Variants in PSKH1 observed in about 807,000 individuals in gnomAD.
PSKH1 encodes the protein protein serine kinase H1.
Under a neutral mutation model 26.7 loss-of-function variants are expected in PSKH1, and 12 were observed. The observed-to-expected ratio is 0.45, with a 90% confidence interval of 0.29 to 0.73. PSKH1 has a LOEUF of 0.73. Among genes scored for constraint, PSKH1 ranks in the 30% least tolerant of loss-of-function variants. PSKH1 has a pLI of 0.11. For synonymous variants in PSKH1, 213 were observed against 234.3 expected, an observed-to-expected ratio of 0.91 and a Z score of 0.83; for missense variants, 431 against 595.2, an observed-to-expected ratio of 0.72 and a Z score of 2.87.
At chr16:67,896,794 G>T (rs2058127802) in intron 1 of PSKH1, among the ~76,000 whole-genome samples, 1 of 152,094 alleles carries the variant, frequency 6.6e-6, no homozygotes, top group African/African-American at 2.4e-5. Flanking sequence ...TTGTAGTTTT[G>T]TGCTTGTTAA....
intron 1 of PSKH1, among the ~76,000 whole-genome samples, chr16:67,904,848 A>G (rs2058151881): frequency 2.2e-5 from 3 of 133,948 alleles, no homozygotes; most frequent in Non-Finnish European, 4.7e-5. Flanking sequence ...TTTTTTTGAG[A>G]CAAAGTCTCG....
intron 1 of PSKH1, among the ~76,000 whole-genome samples, chr16:67,906,617 G>A (rs1303561965): frequency 2.0e-5 from 3 of 151,970 alleles, no homozygotes; most frequent in Admixed American, 6.6e-5. Context: ...CGCCCACCTC[G>A]GCCTCCCAAA....
At chr16:67,904,500 C>T (rs150221824) in intron 1 of PSKH1, among the ~76,000 whole-genome samples, 5,449 of 151,792 alleles carry the variant, frequency 0.036, 117 homozygotes, top group Middle Eastern at 0.16. Context: ...CACCGCGCCC[C>T]GCCTAATTTT....
At chr16:67,897,994 C>T (rs1185715871) in intron 1 of PSKH1, among the ~76,000 whole-genome samples, 1 of 152,150 alleles carries the variant, frequency 6.6e-6, no homozygotes, top group Non-Finnish European at 1.5e-5. Flanking sequence ...ACTACAGGTG[C>T]ACGCTACCAC....
chr16:67,902,259 CAA>C (rs1033235931), intron 1 of PSKH1, among the ~76,000 whole-genome samples: 11 of 126,764 alleles, frequency 8.7e-5, no homozygotes, highest in East Asian at 2.2e-4. Flanking sequence ...GACTCCATCT[CAA>C]AAAAAAAAAA....
chr16:67,914,805 T>C (rs1233245243), intron 2 of PSKH1, among the ~76,000 whole-genome samples: 1 of 152,168 alleles, frequency 6.6e-6, no homozygotes, highest in African/African-American at 2.4e-5. Context: ...GAGAAGCTGA[T>C]TGTGTTCTGG....
chr16:67,900,870 C>T (rs2058139853), intron 1 of PSKH1, among the ~76,000 whole-genome samples: 1 of 152,098 alleles, frequency 6.6e-6, no homozygotes, highest in Non-Finnish European at 1.5e-5. Flanking sequence ...CCTTACTCAT[C>T]CTTGCCCATC....
chr16:67,916,929 C>G (rs2058189486), intron 2 of PSKH1, among the ~76,000 whole-genome samples: 1 of 152,162 alleles, frequency 6.6e-6, no homozygotes, highest in Admixed American at 6.5e-5. Flanking sequence ...GATCCCCCAG[C>G]CTGAAGCCCA....
At chr16:67,905,823 C>A (rs913048545) in intron 1 of PSKH1, among the ~76,000 whole-genome samples, 6 of 152,108 alleles carry the variant, frequency 3.9e-5, no homozygotes, top group Non-Finnish European at 8.8e-5. Context: ...CGTGCCAGTG[C>A]ACTCCAGCCT....
chr16:67,910,056 C>T (rs1006739750), intron 2 of PSKH1: 4 of 464,376 alleles, frequency 8.6e-6, no homozygotes, highest in African/African-American at 1.9e-5. Context: ...TGGAATGTGC[C>T]TCATAGTTGT....
chr16:67,909,808 G>T lies in PSKH1; in HGVS notation c.957+102G>T. The stretch of plus-strand genomic sequence containing the variant: ...GAGGTATGTCCTCAGGGCCATGCTC[G>T]TGAGGGCCAGGCAGGTCATATAAAA... On this transcript the variant is annotated intron_variant, in intron 2 of 2. Coordinates refer to ENST00000291041, the MANE Select transcript of PSKH1 (RefSeq NM_006742.3). The surrounding 1 kb of genome is among the most constrained non-coding windows in gnomAD (Gnocchi z 7.8). The T allele has an allele frequency of 9.2e-7, 1 of 1,084,136 alleles. No individual in the cohort carries two copies. The allele number at this position is 1,084,136 out of a possible 1,614,324, so 67.2% of individuals were successfully genotyped here.
chr16:67,901,316 G>A (rs1342946651), intron 1 of PSKH1, among the ~76,000 whole-genome samples: 5 of 152,066 alleles, frequency 3.3e-5, no homozygotes, highest in Non-Finnish European at 5.9e-5. Flanking sequence ...TCTTATTGCC[G>A]ACTGACTTTA....
At chr16:67,898,062 G>A (rs1301229952) in intron 1 of PSKH1, among the ~76,000 whole-genome samples, 3 of 152,076 alleles carry the variant, frequency 2.0e-5, no homozygotes, top group African/African-American at 7.2e-5. Flanking sequence ...GTGTTGGCCA[G>A]GCTGGTCTTG....
Position 67,928,899 on chromosome 16 carries a change from G to A in PSKH1, c.*1257G>A, listed in dbSNP as rs1205537641. 1.3e-5 allele frequency: 2 copies of A among 152,702 alleles called. No individual in the cohort carries two copies. The highest frequency in any genetic ancestry group is 2.9e-5 in the Non-Finnish European group (2 of 68,144). 9.5% of individuals were successfully genotyped at this position (152,702 alleles called of 1,614,324 possible). A position where few individuals can be genotyped will look rare whatever the true frequency, so the allele number is the denominator to read the frequency against. ...CTGTGTGACCTGCCTCTGAAACCAGGGTGCCAGGGGCACTGCCTTCTCACA... is the reference window on the plus strand; with the variant it reads ...CTGTGTGACCTGCCTCTGAAACCAGAGTGCCAGGGGCACTGCCTTCTCACA... On this transcript the variant is annotated 3_prime_UTR_variant, in exon 3 of 3. Coordinates refer to ENST00000291041, the MANE Select transcript of PSKH1 (RefSeq NM_006742.3). The surrounding 1 kb of genome is among the most constrained non-coding windows in gnomAD (Gnocchi z 4.8).
chr16:67,910,066 T>G, intron 2 of PSKH1: 1 of 453,306 alleles, frequency 2.2e-6, no homozygotes, highest in East Asian at 3.2e-5. Flanking sequence ...CTCATAGTTG[T>G]ACCACCAAAG....
At chr16:67,922,357 C>T (rs538230323) in intron 2 of PSKH1, among the ~76,000 whole-genome samples, 2 of 152,272 alleles carry the variant, frequency 1.3e-5, no homozygotes, top group African/African-American at 2.4e-5. Flanking sequence ...AGAAAGGAGG[C>T]CTTTGAAGGT....
chr16:67,927,383 A>G lies in PSKH1; in HGVS notation c.1016A>G (p.Asp339Gly). ...TTCATTGACCGCCTGCTGACAGTGG[A>G]CCCTGGAGCCCGTATGACTGCACTG... is the stretch of plus-strand genomic sequence containing the variant. ...KDFIDRLLTV[D>G]PGARMTALQA... The change falls in exon 3 of 3, where the codon GAC becomes GGC. Residue 339 changes from aspartate to glycine, a missense_variant. Physicochemically the swap from Asp to Gly is moderately conservative, Grantham distance 94. Coordinates refer to ENST00000291041, the MANE Select transcript of PSKH1 (RefSeq NM_006742.3). The surrounding 1 kb of genome is among the most constrained non-coding windows in gnomAD (Gnocchi z 5.5). 6.2e-7 allele frequency: 1 copy of G among 1,614,008 alleles called. No homozygotes were observed. Among genetic ancestry groups the G allele is most frequent in the Non-Finnish European group, 8.5e-7 (1 of 1,179,918 alleles).
Position 67,927,894 on chromosome 16 carries a change from C to A in PSKH1, c.*252C>A, listed in dbSNP as rs1257720891. On this transcript the variant is annotated 3_prime_UTR_variant, in exon 3 of 3. Transcript: ENST00000291041. The surrounding 1 kb of genome is among the most constrained non-coding windows in gnomAD (Gnocchi z 5.5). ...CTGGGAGCCTGGCCTGGCACTGATA[C>A]CCCTCTTGGTGGGCAGCTGCTCTGG... The A allele has an allele frequency of 9.2e-6, 5 of 543,326 alleles. No homozygotes were observed. The highest frequency in any genetic ancestry group is 1.6e-5 in the Non-Finnish European group (5 of 306,872). 33.7% of individuals were successfully genotyped at this position (543,326 alleles called of 1,614,324 possible).
At chr16:67,916,261 C>T (rs1791196479) in intron 2 of PSKH1, among the ~76,000 whole-genome samples, 1 of 152,176 alleles carries the variant, frequency 6.6e-6, no homozygotes, top group Non-Finnish European at 1.5e-5. Flanking sequence ...GCATTCTTCA[C>T]CAGCGAGTGT....
Sources: allele counts gnomAD v4.1 joint callset (sites outside exome capture counted in the v4.1 genomes callset), GRCh38; gene constraint gnomAD v4.1.1; non-coding constraint Gnocchi (gnomAD v3.1); transcripts MANE v1.5; gene names NCBI Gene and HGNC (gene_info 2026-07-23, HGNC 2026-07-21).